Variants in RELN observed in about 807,000 individuals in gnomAD.
RELN encodes reelin.
Under a neutral mutation model 427.6 loss-of-function variants are expected in RELN, and 108 were observed. The observed-to-expected ratio is 0.25, with a 90% CI of 0.22 to 0.30. The LOEUF is 0.30. Among genes scored for constraint, RELN ranks in the 10% least tolerant of loss-of-function variants. The probability of loss-of-function intolerance (pLI) is 1.00; values close to 1 mark genes in which losing one functional copy is unlikely to be tolerated. For missense variants in RELN, 3,715 were observed against 4,302.8 expected (o/e 0.86, Z 3.82); for synonymous variants, 1,524 against 1,513.4 (o/e 1.01, Z -0.16).
chr7:103,675,093 A>T (rs1019320026), intron 11 of RELN, among the ~76,000 whole-genome samples: 1 of 152,188 alleles, frequency 6.6e-6, no homozygotes, highest in Non-Finnish European at 1.5e-5. Context: ...GCTGAAGTCA[A>T]ATTGTCTCTG....
intron 11 of RELN, among the ~76,000 whole-genome samples, chr7:103,673,292 T>C (rs2115637835): frequency 6.6e-6 from 1 of 152,236 alleles, no homozygotes; most frequent in East Asian, 1.9e-4. Flanking sequence ...ATCTATTTTT[T>C]AACACACATA....
rs538803697 is a variant in RELN, at chr7:103,640,723, C to T, written c.2003-114G>A. 1 of 1,016,224 alleles carries T rather than the reference C, an allele frequency of 9.8e-7. No individual in the cohort carries two copies. Among genetic ancestry groups the T allele is most frequent in the South Asian group, 1.4e-5 (1 of 73,730 alleles). The allele number at this position is 1,016,224 out of a possible 1,614,324, so 63.0% of individuals were successfully genotyped here. ...CTTGTGTGTATGTTGTGTGCAGGAA[C>T]CCAGGGTGACATATGGAATGCTGTG... On this transcript the variant is annotated intron_variant, in intron 16 of 64. Coordinates refer to ENST00000428762, the MANE Select transcript of RELN (RefSeq NM_005045.4). The surrounding 1 kb of genome is among the most constrained non-coding windows in gnomAD (Gnocchi z 4.1).
chr7:103,596,932 A>T (rs1226182279), intron 24 of RELN, among the ~76,000 whole-genome samples: 2 of 152,168 alleles, frequency 1.3e-5, no homozygotes, highest in South Asian at 2.1e-4. Context: ...CAAGAGTACT[A>T]AAAAGCTTTT....
At chr7:103,556,425 AC>A (rs1830521619) in intron 38 of RELN, among the ~76,000 whole-genome samples, 1 of 95,056 alleles carries the variant, frequency 1.1e-5, no homozygotes, top group African/African-American at 5.9e-5. Flanking sequence ...GATTATATAT[AC>A]GTGTATATAT....
At chr7:103,780,709 T>C (rs1296873000) in intron 3 of RELN, among the ~76,000 whole-genome samples, 1 of 152,206 alleles carries the variant, frequency 6.6e-6, no homozygotes. Context: ...GCTCCATCCA[T>C]ATCCCTATGA....
intron 51 of RELN, among the ~76,000 whole-genome samples, chr7:103,509,929 C>G (rs529006481): frequency 6.6e-6 from 1 of 152,208 alleles, no homozygotes; most frequent in African/African-American, 2.4e-5. Context: ...CAAATCAAAA[C>G]CACATTGAGA....
chr7:103,789,483 T>A (rs1265498890), intron 3 of RELN, among the ~76,000 whole-genome samples: 1 of 151,630 alleles, frequency 6.6e-6, no homozygotes, highest in Non-Finnish European at 1.5e-5. Context: ...GGAACTTAAA[T>A]TTACAAGAAA....
In RELN at chr7:103,484,699, G is replaced by GT. The variant is rs959321761; in HGVS notation, c.9984-850dup. Among the ~76,000 whole-genome samples, 85 of 152,290 alleles carry GT rather than the reference G, an allele frequency of 5.6e-4. 1 individual carries two copies. The highest frequency in any genetic ancestry group is 2.0e-3 in the African/African-American group (84 of 41,568). ...CTCTTTTCATGATGTTGGAAATCTT[G>GT]TTAGAGTATTTCATTTAGAACACCT... On this transcript the variant is annotated intron_variant, in intron 61 of 64. Transcript: ENST00000428762.
At chr7:103,810,873 CA>C (rs1370159313) in intron 3 of RELN, among the ~76,000 whole-genome samples, 3 of 152,052 alleles carry the variant, frequency 2.0e-5, no homozygotes, top group African/African-American at 7.2e-5. Flanking sequence ...TGTTTGCTTC[CA>C]AACAAGAAAG....
intron 22 of RELN, among the ~76,000 whole-genome samples, chr7:103,607,738 G>C (rs967902668): frequency 6.6e-6 from 1 of 152,090 alleles, no homozygotes; most frequent in Non-Finnish European, 1.5e-5. Context: ...GGTAAATGAA[G>C]GCTGACTAAA....
At chr7:103,881,412 A>G (rs1794603337) in intron 2 of RELN, among the ~76,000 whole-genome samples, 1 of 151,912 alleles carries the variant, frequency 6.6e-6, no homozygotes. Flanking sequence ...CTTCCTCCAC[A>G]TTCTTAACTG....
chr7:103,546,092 G>A (rs948763399), intron 41 of RELN, among the ~76,000 whole-genome samples: 15 of 152,114 alleles, frequency 9.9e-5, no homozygotes, highest in African/African-American at 2.7e-4. Context: ...CCTCTTTCTA[G>A]TTTCAAGACA....
chr7:103,650,206 C>A, intron 16 of RELN, 68 bp downstream of exon 16: 1 of 946,494 alleles, frequency 1.1e-6, no homozygotes, highest in Admixed American at 1.7e-5. Context: ...TAAGTCTGTG[C>A]TGACGAACAA....
At chr7:103,516,428 G>A (rs950507079) in intron 49 of RELN, among the ~76,000 whole-genome samples, 1 of 151,912 alleles carries the variant, frequency 6.6e-6, no homozygotes, top group South Asian at 2.1e-4. Flanking sequence ...TGGGATTACA[G>A]GCGCGCATGC....
At chr7:103,683,634 G>A (rs1346960993) in intron 10 of RELN, among the ~76,000 whole-genome samples, 1 of 152,116 alleles carries the variant, frequency 6.6e-6, no homozygotes, top group Non-Finnish European at 1.5e-5. Context: ...GACCTACTGT[G>A]CTGCCAATCC....
chr7:103,950,492 A>T (rs898953628), intron 1 of RELN, among the ~76,000 whole-genome samples: 1 of 152,232 alleles, frequency 6.6e-6, no homozygotes, highest in African/African-American at 2.4e-5. Flanking sequence ...AAGGCATATA[A>T]AACACTAAAC....
Position 103,492,039 on chromosome 7 carries a change from TAAAC to T in RELN, c.9370-17_9370-14del, listed in dbSNP as rs769041611. ...AACCCACCACAATCTAAAACAAACATAAACAATCAATACACAGGTAAGATTAGAT... is the reference window on the plus strand; with the variant it reads ...AACCCACCACAATCTAAAACAAACATAATCAATACACAGGTAAGATTAGAT... On this transcript the variant is annotated splice_polypyrimidine_tract_variant and intron_variant, in intron 57 of 64. Coordinates refer to ENST00000428762, the MANE Select transcript of RELN (RefSeq NM_005045.4). The T allele has an allele frequency of 7.5e-5, 120 of 1,593,460 alleles. No individual in the cohort carries two copies. In the African/African-American group the frequency reaches 1.4e-3, roughly 19 times the overall value.
intron 2 of RELN, among the ~76,000 whole-genome samples, chr7:103,884,200 A>G (rs1429987142): frequency 6.6e-6 from 1 of 152,232 alleles, no homozygotes; most frequent in Non-Finnish European, 1.5e-5. Context: ...CCTATTTAAT[A>G]AACGTCATTG....
chr7:103,708,503 T>G (rs1485500345), intron 8 of RELN, among the ~76,000 whole-genome samples: 1 of 141,124 alleles, frequency 7.1e-6, no homozygotes, highest in Non-Finnish European at 1.5e-5. Flanking sequence ...TTGCTGTGTC[T>G]CCCAGGTTGG....
Sources: allele counts gnomAD v4.1 joint callset (sites outside exome capture counted in the v4.1 genomes callset), GRCh38; gene constraint gnomAD v4.1.1; non-coding constraint Gnocchi (gnomAD v3.1); transcripts MANE v1.5; gene names NCBI Gene and HGNC (gene_info 2026-07-23, HGNC 2026-07-21).